PTPRN2: variants seen among roughly 807,000 people sequenced by gnomAD.
PTPRN2 encodes receptor-type tyrosine-protein phosphatase N2.
PTPRN2 carries 74 observed loss-of-function variants against 118.8 expected under a neutral mutation model. The observed-to-expected ratio is 0.62, with a 90% CI of 0.52 to 0.76. PTPRN2 has a LOEUF of 0.76. Among genes scored for constraint, PTPRN2 ranks in the 30% least tolerant of loss-of-function variants. The pLI is 0.00. For synonymous variants in PTPRN2, 641 were observed against 608.0 expected (o/e 1.05, Z -0.80); for missense variants, 1,481 against 1,394.4 (o/e 1.06, Z -0.99).
chr7:157,849,454 C>G (rs1426804212), intron 12 of PTPRN2, among the ~76,000 whole-genome samples: 1 of 152,214 alleles, frequency 6.6e-6, no homozygotes, highest in Non-Finnish European at 1.5e-5. Context: ...CACCGTTCCT[C>G]TGACTGCTTG....
intron 11 of PTPRN2, among the ~76,000 whole-genome samples, chr7:158,033,773 C>G (rs73171520): frequency 0.073 from 10,927 of 150,160 alleles, 456 homozygotes; most frequent in African/African-American, 0.098. Context: ...GGTGCACATC[C>G]CTGGTCAGCA....
At chr7:158,416,790 G>A (rs556483043) in intron 2 of PTPRN2, among the ~76,000 whole-genome samples, 1 of 152,330 alleles carries the variant, frequency 6.6e-6, no homozygotes, top group South Asian at 2.1e-4. Context: ...CAGCAGGGAA[G>A]TGGCTGTGAG....
intron 2 of PTPRN2, among the ~76,000 whole-genome samples, chr7:158,367,014 AG>A (rs750604211): frequency 2.6e-5 from 4 of 152,194 alleles, no homozygotes; most frequent in Admixed American, 6.5e-5. Flanking sequence ...TTAGGGGTTC[AG>A]GGGAGAAACA....
intron 6 of PTPRN2, among the ~76,000 whole-genome samples, chr7:158,142,547 G>C (rs1211955634): frequency 1.3e-5 from 2 of 152,148 alleles, no homozygotes; most frequent in African/African-American, 2.4e-5. Context: ...GCAGGGATTG[G>C]CATGGAGGCC....
chr7:158,365,943 AATGCACACATGCAC>A (rs1330191048), intron 2 of PTPRN2, among the ~76,000 whole-genome samples: 4 of 138,684 alleles, frequency 2.9e-5, no homozygotes, highest in Admixed American at 1.5e-4. Flanking sequence ...GCCACAGCCC[AATGCACACATGCAC>A]ATGCACACAT....
intron 12 of PTPRN2, among the ~76,000 whole-genome samples, chr7:157,814,885 C>T (rs56035038): frequency 0.044 from 6,761 of 152,298 alleles, 279 homozygotes; most frequent in East Asian, 0.21. Context: ...TGCACAGAAG[C>T]GCACGAGTCC....
chr7:157,726,683 C>G (rs144541538), intron 12 of PTPRN2, among the ~76,000 whole-genome samples: 1 of 152,148 alleles, frequency 6.6e-6, no homozygotes, highest in South Asian at 2.1e-4. Context: ...AACGTTTGTG[C>G]GTCAAAGCGC....
chr7:158,571,444 C>T (rs529926735), intron 1 of PTPRN2, among the ~76,000 whole-genome samples: 91 of 149,638 alleles, frequency 6.1e-4, no homozygotes, highest in African/African-American at 2.2e-3. Context: ...CACCACTGCA[C>T]TCCAGCCTGG....
At chr7:157,830,759 A>G (rs1807511354) in intron 12 of PTPRN2, among the ~76,000 whole-genome samples, 1 of 152,262 alleles carries the variant, frequency 6.6e-6, no homozygotes, top group African/African-American at 2.4e-5. Flanking sequence ...AGTATTCTAG[A>G]ACAAAGAAAA....
At position 158,379,243 on chromosome 7, in the gene PTPRN2, G is replaced by C. The variant is rs183101072; in HGVS notation, c.164-62311C>G. ...CCTGCAGAAGGGGCTGCGGACCCCAGGGTGGGGGTGACTGGGGTTGGCAGG... is the reference window on the plus strand; with the variant it reads ...CCTGCAGAAGGGGCTGCGGACCCCACGGTGGGGGTGACTGGGGTTGGCAGG... On this transcript the variant is annotated intron_variant, in intron 2 of 22. Transcript: ENST00000389418. 7.6e-4 allele frequency among the ~76,000 whole-genome samples: 116 copies of C among 152,336 alleles called. No individual in the cohort carries two copies. The East Asian group carries it at 0.02, about 26-fold the overall frequency.
chr7:158,052,559 G>A (rs543537108), intron 11 of PTPRN2, among the ~76,000 whole-genome samples: 2 of 152,328 alleles, frequency 1.3e-5, no homozygotes, highest in African/African-American at 4.8e-5. Context: ...TGCCTCGTGG[G>A]GGCCGTGGAG....
At chr7:157,756,977 C>T (rs1294111886) in intron 12 of PTPRN2, among the ~76,000 whole-genome samples, 1 of 152,096 alleles carries the variant, frequency 6.6e-6, no homozygotes, top group African/African-American at 2.4e-5. Context: ...CAGGGCCACG[C>T]GTGAGGGACG....
At chr7:158,038,371 A>G (rs1027388730) in intron 11 of PTPRN2, among the ~76,000 whole-genome samples, 9 of 152,114 alleles carry the variant, frequency 5.9e-5, no homozygotes, top group Admixed American at 3.3e-4. Flanking sequence ...ATAAAATTCA[A>G]CCCCTGTCTC....
intron 1 of PTPRN2, among the ~76,000 whole-genome samples, chr7:158,498,840 T>G (rs766421050): frequency 1.6e-4 from 25 of 152,202 alleles, no homozygotes; most frequent in Non-Finnish European, 2.4e-4. Context: ...TAAAATATAG[T>G]ATGACCCATG....
intron 13 of PTPRN2, among the ~76,000 whole-genome samples, chr7:157,670,706 G>A (rs545701177): frequency 3.3e-5 from 5 of 152,136 alleles, no homozygotes; most frequent in Admixed American, 1.3e-4. Context: ...AAGTTCTAAG[G>A]GCTTCCAAAA....
At chr7:157,761,046 G>T (rs1447799703) in intron 12 of PTPRN2, among the ~76,000 whole-genome samples, 1 of 151,456 alleles carries the variant, frequency 6.6e-6, no homozygotes, top group African/African-American at 2.4e-5. Context: ...TACAAGGGAT[G>T]TGAAGGACCT....
chr7:157,605,511 G>A (rs1286137898), intron 15 of PTPRN2, among the ~76,000 whole-genome samples: 1 of 152,218 alleles, frequency 6.6e-6, no homozygotes, highest in African/African-American at 2.4e-5. Flanking sequence ...TTGTGCTACA[G>A]CTCTTCTAGC....
chr7:157,793,013 T>C (rs10949663), intron 12 of PTPRN2, among the ~76,000 whole-genome samples: 17,328 of 152,168 alleles, frequency 0.11, 1,173 homozygotes, highest in African/African-American at 0.18. Context: ...CTTAAATAAA[T>C]GAGATAAATT....
chr7:158,439,747 A>T (rs1049850761), intron 2 of PTPRN2, among the ~76,000 whole-genome samples: 1 of 152,250 alleles, frequency 6.6e-6, no homozygotes, highest in African/African-American at 2.4e-5. Flanking sequence ...TACTGATTGT[A>T]AGACAAGTCT....
Sources: gnomAD v4.1 joint callset for allele counts (sites outside exome capture counted in the v4.1 genomes callset) on GRCh38, gnomAD v4.1.1 for gene constraint, MANE v1.5 for transcripts, NCBI Gene and HGNC (gene_info 2026-07-23, HGNC 2026-07-21) for gene names.